EPHA6: variants seen among roughly 807,000 people sequenced by gnomAD.
EPHA6 encodes the protein ephrin type-A receptor 6.
A neutral mutation model predicts 112.0 loss-of-function variants in EPHA6; 50 were observed. That is an observed-to-expected ratio of 0.45 (90% CI 0.36 to 0.56). The LOEUF is 0.56. Among genes scored for constraint, EPHA6 ranks in the 20% least tolerant of loss-of-function variants. EPHA6 has a pLI of 0.00. For missense variants in EPHA6, 1,280 were observed against 1,417.4 expected (o/e 0.90, Z 1.56); for synonymous variants, 529 against 490.7 (o/e 1.08, Z -1.03).
intron 11 of EPHA6, among the ~76,000 whole-genome samples, chr3:97,587,847 A>G (rs916184652): frequency 1.3e-5 from 2 of 152,178 alleles, no homozygotes; most frequent in Non-Finnish European, 2.9e-5. Flanking sequence ...ATGGTCTTCT[A>G]GGATCACTGT....
chr3:97,008,864 T>C (rs1201515090), intron 3 of EPHA6, among the ~76,000 whole-genome samples: 2 of 152,086 alleles, frequency 1.3e-5, no homozygotes, highest in Non-Finnish European at 2.9e-5. Context: ...TTTGGTTTTC[T>C]TTCAATAGTC....
chr3:97,685,727 CCT>C (rs772081407), intron 14 of EPHA6, among the ~76,000 whole-genome samples: 8 of 152,098 alleles, frequency 5.3e-5, no homozygotes, highest in Non-Finnish European at 1.2e-4. Context: ...AAAAACAATC[CCT>C]CCATTTACTC....
chr3:97,349,788 C>T (rs2083712333), intron 5 of EPHA6, among the ~76,000 whole-genome samples: 1 of 151,970 alleles, frequency 6.6e-6, no homozygotes. Context: ...GCAGGAGTTT[C>T]TGATCATAGC....
chr3:97,639,285 A>T (rs2107562646), intron 14 of EPHA6, among the ~76,000 whole-genome samples: 1 of 152,146 alleles, frequency 6.6e-6, no homozygotes, highest in East Asian at 1.9e-4. Context: ...GTTTAGAAAA[A>T]GCAGTATTTT....
intron 14 of EPHA6, among the ~76,000 whole-genome samples, chr3:97,640,867 G>C (rs929405236): frequency 6.6e-6 from 1 of 152,134 alleles, no homozygotes; most frequent in Admixed American, 6.5e-5. Flanking sequence ...AGACAGACCA[G>C]TTAGGCATTA....
intron 3 of EPHA6, among the ~76,000 whole-genome samples, chr3:97,008,803 T>A (rs2043977277): frequency 6.6e-6 from 1 of 151,956 alleles, no homozygotes; most frequent in Non-Finnish European, 1.5e-5. Context: ...TGGGGGCCCT[T>A]TTGTTGTTGT....
chr3:97,171,516 T>TAAAGATAGAACCAATATGTTC (rs1472058914), intron 3 of EPHA6, among the ~76,000 whole-genome samples: 2 of 152,040 alleles, frequency 1.3e-5, no homozygotes, highest in African/African-American at 4.8e-5. Context: ...ACAGGTATTA[T>TAAAGATAGAACCAATATGTTC]AAAGATAGAA....
intron 5 of EPHA6, among the ~76,000 whole-genome samples, chr3:97,385,597 A>G (rs1027071817): frequency 3.9e-5 from 6 of 152,106 alleles, no homozygotes; most frequent in Non-Finnish European, 8.8e-5. Flanking sequence ...GCCTCCAAAT[A>G]TTTCTTTATC....
chr3:97,089,715 C>T (rs2047005102), intron 3 of EPHA6, among the ~76,000 whole-genome samples: 1 of 152,098 alleles, frequency 6.6e-6, no homozygotes. Flanking sequence ...TTGCTATTCA[C>T]GTGGCTTCAC....
At chr3:96,822,723 A>T (rs2033359658) in intron 1 of EPHA6, among the ~76,000 whole-genome samples, 1 of 150,240 alleles carries the variant, frequency 6.7e-6, no homozygotes, top group Non-Finnish European at 1.5e-5. Context: ...TTTATATATA[A>T]TTTATTATGT....
At chr3:97,646,125 A>G in intron 14 of EPHA6, 1 of 1,525,792 alleles carries the variant, frequency 6.6e-7, no homozygotes, top group East Asian at 2.5e-5. Context: ...TCAGAGACCC[A>G]CAAATCACAA....
At chr3:97,054,161 CTA>C (rs1189714271) in intron 3 of EPHA6, among the ~76,000 whole-genome samples, 1 of 137,286 alleles carries the variant, frequency 7.3e-6, no homozygotes, top group African/African-American at 3.2e-5. Flanking sequence ...ACATAACTAT[CTA>C]ACACACACAC....
At chr3:96,963,248 G>T (rs2042009963) in intron 2 of EPHA6, among the ~76,000 whole-genome samples, 1 of 150,624 alleles carries the variant, frequency 6.6e-6, no homozygotes, top group African/African-American at 2.4e-5. Context: ...ACTAGGCAAA[G>T]AAAACGTTTT....
Position 97,146,021 on chromosome 3 carries a change from A to C in EPHA6, c.1115-80243A>C, listed in dbSNP as rs559983992. On this transcript the variant is annotated intron_variant, in intron 3 of 17. Coordinates refer to ENST00000389672, the MANE Select transcript of EPHA6 (RefSeq NM_001080448.3). ...CCCCAAATGACATACACACTGCCAT[A>C]TTTTTATTTGAAACTAAATGACTAC... Among the ~76,000 whole-genome samples, 448 of 151,802 alleles carry C rather than the reference A, an allele frequency of 3.0e-3. 1 individual carries two copies. The highest frequency in any genetic ancestry group is 0.01 in the African/African-American group (416 of 41,482).
chr3:97,745,951 T>A (rs1328920565), intron 16 of EPHA6, among the ~76,000 whole-genome samples: 1 of 151,868 alleles, frequency 6.6e-6, no homozygotes, highest in Non-Finnish European at 1.5e-5. Flanking sequence ...CCCTTCTGCT[T>A]CACAGTAGGG....
At position 97,720,423 on chromosome 3, in the gene EPHA6, G is replaced by A. The variant is rs377372237; in HGVS notation, c.2934+13G>A. 1.9e-6 allele frequency: 3 copies of A among 1,584,660 alleles called. No homozygotes were observed. Among genetic ancestry groups the A allele is most frequent in the East Asian group, 2.3e-5 (1 of 43,152 alleles). ...GTCTAACCAAGATGTAAGTGCTACC[G>A]ATAGTTAAACTGCCATTTTGTGAAT... On this transcript the variant is annotated intron_variant, in intron 15 of 17. Transcript: ENST00000389672.
chr3:96,979,778 G>T (rs2042683742), intron 2 of EPHA6, among the ~76,000 whole-genome samples: 1 of 152,152 alleles, frequency 6.6e-6, no homozygotes, highest in African/African-American at 2.4e-5. Context: ...TTGTGGTTTT[G>T]ATTTGCATTT....
intron 5 of EPHA6, among the ~76,000 whole-genome samples, chr3:97,302,122 A>G (rs1229402538): frequency 1.3e-5 from 2 of 152,060 alleles, no homozygotes; most frequent in African/African-American, 4.8e-5. Context: ...TTGAACTCAC[A>G]TACATCAAAC....
intron 3 of EPHA6, among the ~76,000 whole-genome samples, chr3:97,145,842 TATA>T (rs2076030937): frequency 6.6e-6 from 1 of 151,678 alleles, no homozygotes; most frequent in Non-Finnish European, 1.5e-5. Context: ...AAATGCATCA[TATA>T]ATGAGTTGAG....
Sources: gnomAD v4.1 joint callset for allele counts (sites outside exome capture counted in the v4.1 genomes callset) on GRCh38, gnomAD v4.1.1 for gene constraint, MANE v1.5 for transcripts, NCBI Gene and HGNC (gene_info 2026-07-23, HGNC 2026-07-21) for gene names.